DYNC2H1: variants seen among roughly 807,000 people sequenced by gnomAD.
DYNC2H1 encodes the protein cytoplasmic dynein 2 heavy chain 1.
In DYNC2H1, 410 loss-of-function variants were observed where a neutral mutation model predicts 570.0. The ratio of observed to expected loss-of-function variants is 0.72; its 90% CI spans 0.66 to 0.78. The LOEUF (loss-of-function observed/expected upper bound fraction) is 0.78. Among genes scored for constraint, DYNC2H1 ranks in the 30% least tolerant of loss-of-function variants. The pLI is 0.00. For missense variants in DYNC2H1, 4,865 were observed against 5,046.4 expected (o/e 0.96, Z 1.09); for synonymous variants, 1,688 against 1,677.6 (o/e 1.01, Z -0.15).
chr11:103,414,283 C>T (rs1479380181), intron 84 of DYNC2H1, among the ~76,000 whole-genome samples: 1 of 152,102 alleles, frequency 6.6e-6, no homozygotes, highest in Admixed American at 6.5e-5. Context: ...AATTTTATGC[C>T]TACAAATTCA....
chr11:103,230,839 T>G (rs1863978142), intron 59 of DYNC2H1, among the ~76,000 whole-genome samples: 1 of 152,138 alleles, frequency 6.6e-6, no homozygotes, highest in Non-Finnish European at 1.5e-5. Context: ...CACTGCACTC[T>G]AGCCTGAGAA....
At chr11:103,272,684 G>A (rs1466038048) in intron 70 of DYNC2H1, among the ~76,000 whole-genome samples, 1 of 152,082 alleles carries the variant, frequency 6.6e-6, no homozygotes, top group African/African-American at 2.4e-5. Flanking sequence ...TGGAAATGTG[G>A]ACTTGATCTC....
intron 54 of DYNC2H1, among the ~76,000 whole-genome samples, chr11:103,213,304 A>G (rs75468461): frequency 1.3e-5 from 2 of 152,160 alleles, no homozygotes; most frequent in African/African-American, 4.8e-5. Context: ...CTTTTTCCCA[A>G]TCAGTGAGAC....
intron 82 of DYNC2H1, among the ~76,000 whole-genome samples, chr11:103,339,442 C>A (rs1939327473): frequency 6.6e-6 from 1 of 152,132 alleles, no homozygotes; most frequent in African/African-American, 2.4e-5. Flanking sequence ...CCCTTCTGGC[C>A]CTGGGTGGGT....
chr11:103,116,765 G>T, intron 5 of DYNC2H1, 51 bp downstream of exon 5: 2 of 1,521,876 alleles, frequency 1.3e-6, no homozygotes, highest in Non-Finnish European at 1.8e-6. Flanking sequence ...GTCTTATTTT[G>T]TTATCTTTTT....
chr11:103,396,933 T>A (rs1239875914), intron 83 of DYNC2H1, among the ~76,000 whole-genome samples: 1 of 152,134 alleles, frequency 6.6e-6, no homozygotes, highest in Non-Finnish European at 1.5e-5. Flanking sequence ...TGGGTACACA[T>A]GGACATACAA....
Position 103,203,817 on chromosome 11 carries a change from G to T in DYNC2H1, c.8311+41G>T. The T allele has an allele frequency of 7.4e-7, 1 of 1,348,602 alleles. No individual in the cohort carries two copies. The highest frequency in any genetic ancestry group is 1.5e-5 in the African/African-American group (1 of 68,576). The allele number at this position is 1,348,602 out of a possible 1,614,324, so 83.5% of individuals were successfully genotyped here. A position where few individuals can be genotyped will look rare whatever the true frequency, so the allele number is the denominator to read the frequency against. ...TTCATTAATCAAATCAAACTGGTTTGTATGAAATATATATCATTTAATTTG... is the reference window on the plus strand; with the variant it reads ...TTCATTAATCAAATCAAACTGGTTTTTATGAAATATATATCATTTAATTTG... On this transcript the variant is annotated intron_variant, in intron 51 of 88. Transcript: ENST00000375735. This position sits in a 1 kb window ranked among gnomAD's most constrained non-coding sequence, Gnocchi z 4.7.
rs1479203506 is a variant in DYNC2H1 at position 103,198,078 on chromosome 11, A to G, written c.7839+15A>G. 2 of 1,548,882 alleles carry G rather than the reference A, an allele frequency of 1.3e-6. No homozygotes were observed. Among genetic ancestry groups the G allele is most frequent in the African/African-American group, 1.4e-5 (1 of 72,964 alleles). On this transcript the variant is annotated intron_variant, in intron 48 of 88. Transcript: ENST00000375735. ...TTATTAAAAAGGTATAATATGAATCATTAATTGGAACTGGGATTTGGTCAT... is the reference window on the plus strand; with the variant it reads ...TTATTAAAAAGGTATAATATGAATCGTTAATTGGAACTGGGATTTGGTCAT...
At chr11:103,398,371 G>A (rs1182532093) in intron 83 of DYNC2H1, among the ~76,000 whole-genome samples, 5 of 152,160 alleles carry the variant, frequency 3.3e-5, no homozygotes, top group African/African-American at 1.2e-4. Context: ...TATTGTAAAT[G>A]TAGCAGTGAT....
chr11:103,111,072 C>T lies in DYNC2H1; in HGVS notation c.195+1303C>T, dbSNP rs913488971. ...AACTCCTGACCTCAGGTGATCCACC[C>T]GCCTTGGCCTCCCAAAGTGCTGGGA... On this transcript the variant is annotated intron_variant, in intron 1 of 88. Coordinates refer to ENST00000375735, the MANE Select transcript of DYNC2H1 (RefSeq NM_001377.3). 2.8e-4 allele frequency among the ~76,000 whole-genome samples: 43 copies of T among 152,094 alleles called. 1 individual carries two copies. Among genetic ancestry groups the T allele is most frequent in the South Asian group, 2.1e-4 (1 of 4,824 alleles).
Position 103,155,435 on chromosome 11 carries a change from G to T in DYNC2H1, c.3678G>T (p.Glu1226Asp), listed in dbSNP as rs771034508. The T allele has an allele frequency of 1.2e-5, 19 of 1,612,474 alleles. No individual in the cohort carries two copies. In the Admixed American group the frequency reaches 3.2e-4, roughly 27 times the overall value. ...GACTTCCTAGGGGGACTAGTCTAGA[G>T]AAACTACTGTTTGGTGATTTGCTCA... ...LLGLPRGTSL[E>D]KLLFGDLLRV... The change falls in exon 25 of 89, where the codon GAG becomes GAT. Residue 1226 changes from glutamate to aspartate, a missense_variant. This residue lies in a region of DYNC2H1 where 1,936 missense variants were observed against 1,962.1 expected (regional missense o/e 0.99). Coordinates refer to ENST00000375735, the MANE Select transcript of DYNC2H1 (RefSeq NM_001377.3).
At chr11:103,311,380 A>G (rs2566953) in intron 78 of DYNC2H1, among the ~76,000 whole-genome samples, 7,954 of 152,224 alleles carry the variant, frequency 0.052, 346 homozygotes, top group East Asian at 0.22. Context: ...TTTTGTGTCT[A>G]TGAACCTAGC....
rs1261390687 is a variant in DYNC2H1 at position 103,391,503 on chromosome 11, A to G, written c.12157-8160A>G. On this transcript the variant is annotated intron_variant, in intron 83 of 88. Transcript: ENST00000375735. ...AAGCCTACTTCTCTCAACTCGTCAA[A>G]GTCATTCTCTGTCCAGCTTTGTTCT... is the stretch of plus-strand genomic sequence containing the variant. 2.6e-5 allele frequency among the ~76,000 whole-genome samples: 4 copies of G among 152,224 alleles called. No homozygotes were observed. In the East Asian group the frequency reaches 7.7e-4, roughly 29 times the overall value.
Position 103,177,622 on chromosome 11 carries a change from A to G in DYNC2H1, c.5941A>G (p.Ser1981Gly). ...GATGGGAGTTGTTATTGTTGGTCCA[A>G]GTGGTGCTGGAAAATCAACGCTTTG... ...QRMGVVIVGP[S>G]GAGKSTLWRM... The change falls in exon 38 of 89, where the codon AGT becomes GGT. Residue 1981 changes from serine (S) to glycine (G), a missense_variant. By Grantham distance (56) the Ser-to-Gly change is moderately conservative. This residue lies in a region of DYNC2H1 where 231 missense variants were observed against 310.3 expected (regional missense o/e 0.74). Coordinates refer to ENST00000375735, the MANE Select transcript of DYNC2H1 (RefSeq NM_001377.3). This position sits in a 1 kb window ranked among gnomAD's most constrained non-coding sequence, Gnocchi z 4.4. 3 of 1,613,376 alleles carry G rather than the reference A, an allele frequency of 1.9e-6. No individual in the cohort carries two copies. The highest frequency in any genetic ancestry group is 2.5e-6 in the Non-Finnish European group (3 of 1,179,640).
intron 88 of DYNC2H1, among the ~76,000 whole-genome samples, chr11:103,475,147 A>T (rs1326592869): frequency 6.6e-6 from 1 of 152,206 alleles, no homozygotes; most frequent in Non-Finnish European, 1.5e-5. Flanking sequence ...GAACTGGACC[A>T]GTTTGTTTTA....
intron 82 of DYNC2H1, among the ~76,000 whole-genome samples, chr11:103,349,984 A>C (rs2671351): frequency 0.49 from 74,954 of 151,954 alleles, 19,924 homozygotes; most frequent in Admixed American, 0.6. Flanking sequence ...AGAAAGATAA[A>C]CCACTGCATA....
intron 84 of DYNC2H1, among the ~76,000 whole-genome samples, chr11:103,416,227 C>T (rs1943275671): frequency 6.6e-6 from 1 of 152,150 alleles, no homozygotes; most frequent in Non-Finnish European, 1.5e-5. Context: ...TGCAGCAAAC[C>T]AACATGGCAC....
chr11:103,279,278 A>G (rs530144648), intron 70 of DYNC2H1, among the ~76,000 whole-genome samples: 17 of 152,268 alleles, frequency 1.1e-4, no homozygotes, highest in African/African-American at 4.1e-4. Context: ...TGTGGCTCTT[A>G]TTTAATTTAA....
chr11:103,459,425 G>T (rs934213510), intron 87 of DYNC2H1, among the ~76,000 whole-genome samples: 6 of 139,972 alleles, frequency 4.3e-5, no homozygotes, highest in African/African-American at 1.3e-4. Flanking sequence ...ATTTATATTT[G>T]TTGTCTTATT....
Sources: allele counts gnomAD v4.1 joint callset (sites outside exome capture counted in the v4.1 genomes callset), GRCh38; gene constraint gnomAD v4.1.1; regional missense constraint gnomAD v4.1.1; non-coding constraint Gnocchi (gnomAD v3.1); transcripts MANE v1.5; gene names NCBI Gene and HGNC (gene_info 2026-07-23, HGNC 2026-07-21).